ZNF536: variants seen among roughly 807,000 people sequenced by gnomAD.
ZNF536 encodes the protein zinc finger protein 536.
Under a neutral mutation model 84.5 loss-of-function variants are expected in ZNF536, and 13 were observed. That is an observed-to-expected ratio of 0.15 (90% CI 0.10 to 0.24). The LOEUF is 0.24. ZNF536 is among the 10% of genes least tolerant of loss of function. The pLI is 1.00. For synonymous variants in ZNF536, 811 were observed against 742.5 expected, an observed-to-expected ratio of 1.09 and a Z score of -1.50; for missense variants, 1,536 against 1,747.5, an observed-to-expected ratio of 0.88 and a Z score of 2.16.
At chr19:30,617,390 A>G (rs1234118503) in intron 1 of ZNF536, among the ~76,000 whole-genome samples, 5 of 109,412 alleles carry the variant, frequency 4.6e-5, no homozygotes, top group Admixed American at 4.3e-4. Context: ...TGACTCTGTC[A>G]CCCAGGCTGG....
intron 1 of ZNF536, among the ~76,000 whole-genome samples, chr19:30,686,756 T>C (rs561557085): frequency 2.6e-5 from 4 of 152,252 alleles, no homozygotes; most frequent in South Asian, 4.1e-4. Context: ...CTCATCGCCT[T>C]CATTATCTCG....
intron 1 of ZNF536, among the ~76,000 whole-genome samples, chr19:30,376,597 G>A (rs991621561): frequency 1.3e-5 from 2 of 152,214 alleles, no homozygotes; most frequent in Non-Finnish European, 2.9e-5. Flanking sequence ...AGAAGAGTGG[G>A]AAGCAGCTGT....
chr19:30,607,264 A>G (rs1166040403), intron 1 of ZNF536, among the ~76,000 whole-genome samples: 1 of 152,120 alleles, frequency 6.6e-6, no homozygotes, highest in Non-Finnish European at 1.5e-5. Context: ...AATTCATGTG[A>G]AACTTTTTTT....
At position 30,605,535 on chromosome 19, in the gene ZNF536, G is replaced by A. The variant is rs549750225; in HGVS notation, c.169+56021G>A. Among the ~76,000 whole-genome samples, 9 of 152,282 alleles carry A rather than the reference G, an allele frequency of 5.9e-5. No individual in the cohort carries two copies. The East Asian group carries it at 1.2e-3, about 20-fold the overall frequency. On this transcript the variant is annotated intron_variant, in intron 1 of 1. Coordinates refer to the ZNF536 transcript ENST00000592773. ...CATTGTTTCATTCCTTTTCATAGCA[G>A]AGTAGTATTCCATGGCACATATATA...
intron 1 of ZNF536, among the ~76,000 whole-genome samples, chr19:30,410,049 G>A (rs2050416320): frequency 6.6e-6 from 1 of 151,610 alleles, no homozygotes; most frequent in Admixed American, 6.6e-5. Flanking sequence ...TTGTTTCTTC[G>A]AAGTATTTCA....
At chr19:30,702,412 T>G (rs1180488148) in intron 1 of ZNF536, among the ~76,000 whole-genome samples, 1 of 151,434 alleles carries the variant, frequency 6.6e-6, no homozygotes, top group Non-Finnish European at 1.5e-5. Context: ...GAAATGTTGA[T>G]GGCCTCAAAG....
intron 1 of ZNF536, among the ~76,000 whole-genome samples, chr19:30,418,511 G>C (rs1388372471): frequency 6.6e-6 from 1 of 152,092 alleles, no homozygotes; most frequent in Non-Finnish European, 1.5e-5. Flanking sequence ...TATCTGAGGA[G>C]AAAAAAATAA....
intron 1 of ZNF536, among the ~76,000 whole-genome samples, chr19:30,690,217 G>T (rs2051353054): frequency 6.6e-6 from 1 of 152,168 alleles, no homozygotes. Flanking sequence ...CGGTAATATT[G>T]GTCCACCATC....
At chr19:30,617,282 C>T (rs564611881) in intron 1 of ZNF536, among the ~76,000 whole-genome samples, 1 of 148,542 alleles carries the variant, frequency 6.7e-6, no homozygotes, top group East Asian at 2.0e-4. Context: ...CCTCACTCCC[C>T]TCCCACCCTT....
chr19:30,350,633 C>A (rs532924094), intron 2 of ZNF536, among the ~76,000 whole-genome samples: 4 of 152,238 alleles, frequency 2.6e-5, no homozygotes, highest in Admixed American at 2.0e-4. Flanking sequence ...GAATAATAAG[C>A]ATCATAAAAT....
At chr19:30,623,350 A>G (rs1218627926) in intron 1 of ZNF536, among the ~76,000 whole-genome samples, 1 of 152,168 alleles carries the variant, frequency 6.6e-6, no homozygotes, top group Non-Finnish European at 1.5e-5. Context: ...ATTCTCTTAA[A>G]TGTTGCATTA....
Position 30,444,051 on chromosome 19 carries a change from C to G in ZNF536, c.489C>G (p.Cys163Trp), listed in dbSNP as rs1427014287. The G allele has an allele frequency of 6.2e-7, 1 of 1,613,582 alleles. No homozygotes were observed. Among genetic ancestry groups the G allele is most frequent in the Non-Finnish European group, 8.5e-7 (1 of 1,180,010 alleles). ...TGEKPFKCPYCDHRAAQKGNL... is the reference protein window; with the variant it reads ...TGEKPFKCPYWDHRAAQKGNL... Reference sequence around the variant, plus strand: ...AGAAGCCCTTCAAGTGCCCGTACTGCGACCACAGGGCGGCGCAGAAGGGGA... The same window carrying G: ...AGAAGCCCTTCAAGTGCCCGTACTGGGACCACAGGGCGGCGCAGAAGGGGA... Residue 163 changes from cysteine to tryptophan, a missense_variant, in exon 2 of 5, where the codon TGC (cysteine) becomes TGG (tryptophan). Around this residue, in one of 8 missense-constraint regions of ZNF536, gnomAD observed 13 missense variants for 76.5 expected, o/e 0.17. Coordinates refer to ENST00000355537, the MANE Select transcript of ZNF536 (RefSeq NM_014717.3).
chr19:30,343,928 T>C (rs1345076350), intron 2 of ZNF536, among the ~76,000 whole-genome samples: 1 of 152,060 alleles, frequency 6.6e-6, no homozygotes, highest in Non-Finnish European at 1.5e-5. Flanking sequence ...GTTTCAGTCC[T>C]TAAAAAAAAA....
chr19:30,471,423 T>C (rs2053629808), intron 2 of ZNF536, among the ~76,000 whole-genome samples: 1 of 152,138 alleles, frequency 6.6e-6, no homozygotes, highest in Non-Finnish European at 1.5e-5. Flanking sequence ...AAGGCAGAAA[T>C]AGAACATTAA....
At chr19:30,351,367 G>A (rs2047925587) in intron 2 of ZNF536, among the ~76,000 whole-genome samples, 1 of 152,206 alleles carries the variant, frequency 6.6e-6, no homozygotes, top group South Asian at 2.1e-4. Context: ...ACAATATCTA[G>A]TTACTGGGTA....
intron 1 of ZNF536, among the ~76,000 whole-genome samples, chr19:30,641,109 G>C (rs146518617): frequency 1.3e-5 from 2 of 152,124 alleles, no homozygotes; most frequent in Non-Finnish European, 2.9e-5. Context: ...TACCATGTTC[G>C]TGAGATAAAA....
chr19:30,683,286 T>G (rs1250422007), intron 1 of ZNF536, among the ~76,000 whole-genome samples: 1 of 152,174 alleles, frequency 6.6e-6, no homozygotes, highest in Non-Finnish European at 1.5e-5. Context: ...TCAAATGATG[T>G]GAAAGGGTGG....
intron 1 of ZNF536, among the ~76,000 whole-genome samples, chr19:30,253,280 T>C (rs141298169): frequency 2.6e-5 from 4 of 152,354 alleles, no homozygotes; most frequent in South Asian, 2.1e-4. Flanking sequence ...ATCTCTGACA[T>C]TGAGACATTT....
intron 1 of ZNF536, among the ~76,000 whole-genome samples, chr19:30,575,881 G>C (rs1175186557): frequency 6.6e-6 from 1 of 152,180 alleles, no homozygotes; most frequent in Non-Finnish European, 1.5e-5. Flanking sequence ...TTTGGAGAGA[G>C]AATATGTAGA....
Sources: gnomAD v4.1 joint callset for allele counts (sites outside exome capture counted in the v4.1 genomes callset) on GRCh38, gnomAD v4.1.1 for gene constraint, gnomAD v4.1.1 regional missense constraint, MANE v1.5 for transcripts, NCBI Gene and HGNC (gene_info 2026-07-23, HGNC 2026-07-21) for gene names.